PTCHD4: variants seen among roughly 807,000 people sequenced by gnomAD.
PTCHD4 encodes the protein patched domain-containing protein 4.
In PTCHD4, 33 loss-of-function variants were observed where a neutral mutation model predicts 58.1. The observed-to-expected ratio is 0.57, with a 90% CI of 0.43 to 0.76. The LOEUF (loss-of-function observed/expected upper bound fraction) is 0.76. Among genes scored for constraint, PTCHD4 ranks in the 30% least tolerant of loss-of-function variants. The pLI, the probability that PTCHD4 is intolerant of heterozygous loss-of-function variation, is 0.00. For synonymous variants in PTCHD4, 478 were observed against 409.6 expected (o/e 1.17, Z -2.02); for missense variants, 1,058 against 1,027.1 (o/e 1.03, Z -0.41).
chr6:47,885,639 A>G (rs6912591), intron 4 of PTCHD4, among the ~76,000 whole-genome samples: 94,394 of 152,052 alleles, frequency 0.62, 30,909 homozygotes, highest in East Asian at 0.78. Context: ...ATCATTCTCC[A>G]ACAAATAAAG....
At chr6:48,108,022 C>T (rs1765774521) in intron 1 of PTCHD4, among the ~76,000 whole-genome samples, 1 of 152,108 alleles carries the variant, frequency 6.6e-6, no homozygotes, top group Non-Finnish European at 1.5e-5. Context: ...ACTAGTTCAA[C>T]CATTGTGGAA....
intron 4 of PTCHD4, among the ~76,000 whole-genome samples, chr6:47,980,586 A>T (rs1055859786): frequency 7.2e-5 from 11 of 152,168 alleles, no homozygotes; most frequent in Middle Eastern, 3.4e-3. Flanking sequence ...AATTCTGTTG[A>T]TAACTTCAAT....
chr6:47,967,370 C>A (rs978739724), intron 4 of PTCHD4, among the ~76,000 whole-genome samples: 1 of 152,136 alleles, frequency 6.6e-6, no homozygotes, highest in African/African-American at 2.4e-5. Flanking sequence ...TTGTTGTTAC[C>A]TTTATAGAGC....
chr6:47,951,833 G>T (rs1259222256), intron 4 of PTCHD4, among the ~76,000 whole-genome samples: 1 of 151,760 alleles, frequency 6.6e-6, no homozygotes, highest in Admixed American at 6.6e-5. Flanking sequence ...ATAATCTTTA[G>T]AAAGTTTCCC....
intron 4 of PTCHD4, among the ~76,000 whole-genome samples, chr6:47,942,104 A>G (rs1386780264): frequency 6.6e-6 from 1 of 152,186 alleles, no homozygotes; most frequent in African/African-American, 2.4e-5. Context: ...CACCTTGTTC[A>G]TGTGCTTTAA....
chr6:47,966,901 C>G (rs1304542930), intron 4 of PTCHD4, among the ~76,000 whole-genome samples: 1 of 152,168 alleles, frequency 6.6e-6, no homozygotes, highest in Non-Finnish European at 1.5e-5. Flanking sequence ...GCTTCCTCCA[C>G]TGATGTCTTG....
chr6:47,911,939 T>C (rs1765083426), intron 4 of PTCHD4, among the ~76,000 whole-genome samples: 1 of 152,010 alleles, frequency 6.6e-6, no homozygotes, highest in South Asian at 2.1e-4. Context: ...TGGAGGAGGA[T>C]TCAATGAAAT....
chr6:48,109,105 A>G (rs948644554), intron 1 of PTCHD4, among the ~76,000 whole-genome samples: 1 of 152,140 alleles, frequency 6.6e-6, no homozygotes, highest in African/African-American at 2.4e-5. Flanking sequence ...ACTAAAAACA[A>G]CTAAAAAAAC....
At chr6:48,008,577 T>G (rs1582011582) in intron 4 of PTCHD4, 57 bp downstream of exon 4, 1 of 1,541,036 alleles carries the variant, frequency 6.5e-7, no homozygotes, top group Middle Eastern at 1.9e-4. Context: ...ATTCAAGAAA[T>G]ATACTACCTT....
At chr6:47,972,388 A>G (rs1400680267) in intron 4 of PTCHD4, among the ~76,000 whole-genome samples, 4 of 152,218 alleles carry the variant, frequency 2.6e-5, no homozygotes, top group South Asian at 2.1e-4. Flanking sequence ...GGAGCTATAA[A>G]AAAGTATACC....
At chr6:48,026,190 G>C (rs1344332885) in intron 3 of PTCHD4, among the ~76,000 whole-genome samples, 1 of 152,118 alleles carries the variant, frequency 6.6e-6, no homozygotes, top group Non-Finnish European at 1.5e-5. Flanking sequence ...AGTGTTCATG[G>C]CTTCTTGTTC....
chr6:47,959,321 A>G (rs1219343362), intron 4 of PTCHD4, among the ~76,000 whole-genome samples: 1 of 152,204 alleles, frequency 6.6e-6, no homozygotes, highest in East Asian at 1.9e-4. Flanking sequence ...CTGATTAGAC[A>G]TTGCAGAAGA....
chr6:48,027,084 T>C (rs1763273976), intron 3 of PTCHD4, among the ~76,000 whole-genome samples: 1 of 152,164 alleles, frequency 6.6e-6, no homozygotes, highest in Admixed American at 6.5e-5. Flanking sequence ...CATCTGTCTA[T>C]ATGTTTATGT....
chr6:47,906,848 C>G (rs1478414371), intron 4 of PTCHD4, among the ~76,000 whole-genome samples: 1 of 152,096 alleles, frequency 6.6e-6, no homozygotes, highest in Non-Finnish European at 1.5e-5. Context: ...GAGACCTTCA[C>G]TTTTGGGGAG....
At chr6:48,034,954 C>T (rs1288698586) in intron 3 of PTCHD4, among the ~76,000 whole-genome samples, 1 of 152,120 alleles carries the variant, frequency 6.6e-6, no homozygotes, top group African/African-American at 2.4e-5. Flanking sequence ...ACACATTCTG[C>T]GTTCACTTCA....
At chr6:47,967,631 C>A (rs148289687) in intron 4 of PTCHD4, among the ~76,000 whole-genome samples, 304 of 152,282 alleles carry the variant, frequency 2.0e-3, no homozygotes, top group Non-Finnish European at 3.6e-3. Flanking sequence ...CACCTTGGTA[C>A]ATCATATTAG....
rs1763387809 is a variant in PTCHD4, at chr6:47,860,059, T to G, written c.*18244A>C. ...CTTTTGTTTAGGCAGATAAAATGCC[T>G]TCTTCAAGGCCTATTTGAAGCTGCA... On this transcript the variant is annotated 3_prime_UTR_variant, in exon 5 of 5. Transcript: ENST00000339488. Among the ~76,000 whole-genome samples, 1 of 152,062 alleles carries G rather than the reference T, an allele frequency of 6.6e-6. No individual in the cohort carries two copies. Among genetic ancestry groups the G allele is most frequent in the South Asian group, 2.1e-4 (1 of 4,826 alleles).
intron 4 of PTCHD4, among the ~76,000 whole-genome samples, chr6:47,951,247 G>A (rs75497864): frequency 0.048 from 7,315 of 152,208 alleles, 205 homozygotes; most frequent in African/African-American, 0.063. Context: ...TCTAGTAGTA[G>A]CTCATTACTT....
chr6:48,036,619 T>A (rs930340429), intron 3 of PTCHD4, among the ~76,000 whole-genome samples: 5 of 152,130 alleles, frequency 3.3e-5, no homozygotes, highest in African/African-American at 1.2e-4. Flanking sequence ...GCAGTACTTG[T>A]GTTCAAGGAA....
Sources: gnomAD v4.1 joint callset for allele counts (sites outside exome capture counted in the v4.1 genomes callset) on GRCh38, gnomAD v4.1.1 for gene constraint, MANE v1.5 for transcripts, NCBI Gene and HGNC (gene_info 2026-07-23, HGNC 2026-07-21) for gene names.